Variants in TNIK observed in about 807,000 individuals in gnomAD.
TNIK encodes TRAF2 and NCK-interacting protein kinase.
A neutral mutation model predicts 191.3 loss-of-function variants in TNIK; 49 were observed. That is an observed-to-expected ratio of 0.26 (90% CI 0.20 to 0.32). TNIK has a LOEUF of 0.32. TNIK is among the 10% of genes least tolerant of loss of function. TNIK has a pLI of 1.00. For synonymous variants in TNIK, 594 were observed against 600.9 expected, an observed-to-expected ratio of 0.99 and a Z score of 0.17; for missense variants, 1,155 against 1,702.3, an observed-to-expected ratio of 0.68 and a Z score of 5.66.
At chr3:171,145,432 C>A (rs73169781) in intron 12 of TNIK, among the ~76,000 whole-genome samples, 1 of 152,094 alleles carries the variant, frequency 6.6e-6, no homozygotes, top group South Asian at 2.1e-4. Context: ...TGGCTATACA[C>A]CCAGTGGTGG....
At chr3:171,125,825 C>A in intron 17 of TNIK, 87 bp downstream of exon 17, 1 of 1,539,838 alleles carries the variant, frequency 6.5e-7, no homozygotes, top group Non-Finnish European at 8.8e-7. Flanking sequence ...TGATCACATT[C>A]TCCACTACTA....
chr3:171,324,731 C>A (rs1178116818), intron 2 of TNIK, among the ~76,000 whole-genome samples: 2 of 152,140 alleles, frequency 1.3e-5, no homozygotes, highest in African/African-American at 4.8e-5. Context: ...TTTTTACCCA[C>A]ACATATCCAA....
intron 23 of TNIK, among the ~76,000 whole-genome samples, chr3:171,092,989 A>C (rs80304436): frequency 0.02 from 3,008 of 152,324 alleles, 104 homozygotes; most frequent in African/African-American, 0.069. Context: ...TAATTTACTA[A>C]CTCAATATTC....
chr3:171,333,095 A>C (rs1756570497), intron 2 of TNIK, among the ~76,000 whole-genome samples: 1 of 152,162 alleles, frequency 6.6e-6, no homozygotes, highest in African/African-American at 2.4e-5. Flanking sequence ...GCCCCAGTTG[A>C]TGGCCTTCGA....
intron 2 of TNIK, among the ~76,000 whole-genome samples, chr3:171,279,172 G>A (rs1210566439): frequency 6.6e-6 from 1 of 151,652 alleles, no homozygotes; most frequent in Non-Finnish European, 1.5e-5. Context: ...TTTTGAAAGT[G>A]GGATGTTAAT....
chr3:171,098,630 T>TTCTC (rs1428880187), intron 22 of TNIK, among the ~76,000 whole-genome samples: 2 of 152,188 alleles, frequency 1.3e-5, no homozygotes. Context: ...TCTGAGAAGC[T>TTCTC]TCTCTGTGTT....
chr3:171,428,422 G>C (rs1166646869), intron 1 of TNIK, among the ~76,000 whole-genome samples: 1 of 152,172 alleles, frequency 6.6e-6, no homozygotes, highest in Non-Finnish European at 1.5e-5. Context: ...CAAGACTGCA[G>C]GGTCATAGCT....
chr3:171,076,570 TTAAA>T (rs1719974625), intron 28 of TNIK, among the ~76,000 whole-genome samples: 2 of 152,200 alleles, frequency 1.3e-5, no homozygotes, highest in South Asian at 4.1e-4. Flanking sequence ...ATTCTTTATG[TTAAA>T]TAATTAATGT....
chr3:171,212,321 A>G (rs1740934256), intron 3 of TNIK, among the ~76,000 whole-genome samples: 1 of 151,926 alleles, frequency 6.6e-6, no homozygotes, highest in African/African-American at 2.4e-5. Context: ...TTTAATCGAC[A>G]TTCACCAGGG....
Position 171,440,096 on chromosome 3 carries a change from C to T in TNIK, c.57+19911G>A, listed in dbSNP as rs548716062. On this transcript the variant is annotated intron_variant, in intron 1 of 32. Transcript: ENST00000436636. ...ATAGCCAAGACCATGCTAGGCTGGG[C>T]GAATGACCACAATGATTACTGGAGC... Among the ~76,000 whole-genome samples, 16 of 152,206 alleles carry T rather than the reference C, an allele frequency of 1.1e-4. No homozygotes were observed. The South Asian group carries it at 2.3e-3, about 22-fold the overall frequency.
chr3:171,456,001 C>T (rs1334623604), intron 1 of TNIK, among the ~76,000 whole-genome samples: 1 of 152,194 alleles, frequency 6.6e-6, no homozygotes, highest in Admixed American at 6.5e-5. Context: ...GCAAGGCTTT[C>T]AGATGAGGTC....
chr3:171,083,575 A>G (rs1720951221), intron 26 of TNIK, among the ~76,000 whole-genome samples: 1 of 152,214 alleles, frequency 6.6e-6, no homozygotes. Flanking sequence ...CTTTTTCACG[A>G]GAAAATGCAG....
At position 171,059,147 on chromosome 3, in the gene TNIK, T is replaced by G. The variant is rs747731718; in HGVS notation, c.*4734A>C. 3.8e-4 allele frequency among the ~76,000 whole-genome samples: 58 copies of G among 152,326 alleles called. No homozygotes were observed. Among genetic ancestry groups the G allele is most frequent in the Non-Finnish European group, 5.7e-4 (39 of 68,016 alleles). The stretch of plus-strand genomic sequence containing the variant: ...AAACCATTAAAACCAAACCCTATCA[T>G]GCAAGGAGTGAGTTTGAAGATATGT... On this transcript the variant is annotated 3_prime_UTR_variant, in exon 33 of 33. Transcript: ENST00000436636.
intron 18 of TNIK, among the ~76,000 whole-genome samples, chr3:171,121,599 G>A (rs934593401): frequency 2.0e-5 from 3 of 152,216 alleles, no homozygotes; most frequent in Admixed American, 1.3e-4. Flanking sequence ...GAGCCCAGGC[G>A]AGAGCAGCTG....
chr3:171,193,432 T>C (rs555038470), intron 5 of TNIK, among the ~76,000 whole-genome samples: 1 of 152,362 alleles, frequency 6.6e-6, no homozygotes, highest in African/African-American at 2.4e-5. Flanking sequence ...TATTGGGTAA[T>C]CTGTGAAATA....
intron 26 of TNIK, chr3:171,082,615 A>C: frequency 1.9e-6 from 1 of 537,214 alleles, no homozygotes; most frequent in Non-Finnish European, 3.1e-6. Flanking sequence ...AGCAGCATTC[A>C]TACATCTAGT....
At chr3:171,157,137 G>T (rs1733288310) in intron 12 of TNIK, among the ~76,000 whole-genome samples, 1 of 152,168 alleles carries the variant, frequency 6.6e-6, no homozygotes, top group African/African-American at 2.4e-5. Context: ...AAGTAATAAG[G>T]CAGGGCAGGG....
chr3:171,152,580 G>A (rs966165212), intron 12 of TNIK, among the ~76,000 whole-genome samples: 2 of 152,104 alleles, frequency 1.3e-5, no homozygotes, highest in African/African-American at 2.4e-5. Context: ...AAGTGGAGGT[G>A]TGGAGAGAAT....
intron 3 of TNIK, among the ~76,000 whole-genome samples, chr3:171,216,708 A>T (rs564651592): frequency 6.6e-6 from 1 of 152,308 alleles, no homozygotes; most frequent in Admixed American, 6.5e-5. Context: ...AAACATGTAA[A>T]TCACCTAAAA....
Sources: allele counts gnomAD v4.1 joint callset (sites outside exome capture counted in the v4.1 genomes callset), GRCh38; gene constraint gnomAD v4.1.1; transcripts MANE v1.5; gene names NCBI Gene and HGNC (gene_info 2026-07-23, HGNC 2026-07-21).